The following RAD51B variants were observed in gnomAD, a reference collection of about 807,000 sequenced individuals.
The protein encoded by RAD51B is DNA repair protein RAD51 homolog 2.
Under a neutral mutation model 42.2 loss-of-function variants are expected in RAD51B, and 38 were observed. The observed-to-expected ratio is 0.90, with a 90% CI of 0.70 to 1.18. RAD51B has a LOEUF of 1.18. RAD51B is among the 50% of genes most tolerant of loss of function. The probability of loss-of-function intolerance (pLI) is 0.00; values close to 1 mark genes in which losing one functional copy is unlikely to be tolerated. For missense variants in RAD51B, 373 were observed against 400.7 expected (o/e 0.93, Z 0.59); for synonymous variants, 154 against 145.2 (o/e 1.06, Z -0.43).
chr14:67,913,384 G>T (rs1171498192), intron 7 of RAD51B, among the ~76,000 whole-genome samples: 3 of 152,156 alleles, frequency 2.0e-5, no homozygotes, highest in Non-Finnish European at 4.4e-5. Context: ...GTGATCTTGG[G>T]ACTGCTGGGT....
intron 7 of RAD51B, among the ~76,000 whole-genome samples, chr14:67,888,864 C>T (rs1041182640): frequency 6.6e-6 from 1 of 152,070 alleles, no homozygotes; most frequent in Non-Finnish European, 1.5e-5. Flanking sequence ...AACCAATCCC[C>T]CATGGATACA....
intron 7 of RAD51B, among the ~76,000 whole-genome samples, chr14:68,130,953 C>T (rs2077878757): frequency 6.6e-6 from 1 of 152,072 alleles, no homozygotes; most frequent in Non-Finnish European, 1.5e-5. Context: ...TAGGAAAAGT[C>T]AGGCTCTATT....
chr14:67,968,068 G>C (rs1375777887), intron 7 of RAD51B, among the ~76,000 whole-genome samples: 1 of 152,198 alleles, frequency 6.6e-6, no homozygotes, highest in East Asian at 1.9e-4. Context: ...CCACATCGAA[G>C]CTACCAAGGT....
chr14:68,173,252 G>A (rs1306527954), intron 7 of RAD51B, among the ~76,000 whole-genome samples: 2 of 152,174 alleles, frequency 1.3e-5, no homozygotes, highest in South Asian at 2.1e-4. Flanking sequence ...GGGCTGGCTA[G>A]AGCCATTTGT....
At chr14:68,183,875 C>T (rs940145608) in intron 7 of RAD51B, among the ~76,000 whole-genome samples, 3 of 152,020 alleles carry the variant, frequency 2.0e-5, no homozygotes, top group African/African-American at 4.8e-5. Context: ...AAGCTGATCA[C>T]GAGGTCAGGA....
chr14:68,445,834 G>A (rs2085407250), intron 9 of RAD51B, among the ~76,000 whole-genome samples: 1 of 152,206 alleles, frequency 6.6e-6, no homozygotes, highest in African/African-American at 2.4e-5. Context: ...CTTGGTGAAT[G>A]AGAGGGATCA....
chr14:68,425,936 T>TTTTCTTTCTTTCTTTCTTCCTTTCTTTC (rs2084821440), intron 9 of RAD51B, among the ~76,000 whole-genome samples: 2 of 73,870 alleles, frequency 2.7e-5, no homozygotes, highest in Non-Finnish European at 6.1e-5. Context: ...AGGCCATTCT[T>TTTTCTTTCTTTCTTTCTTCCTTTCTTTC]TTTCTTTCTT....
At position 68,148,667 on chromosome 14, in the gene RAD51B, G is replaced by A. The variant is rs144536344; in HGVS notation, c.757-143217G>A. 4.1e-3 allele frequency among the ~76,000 whole-genome samples: 622 copies of A among 152,270 alleles called. 1 individual carries two copies. The highest frequency in any genetic ancestry group is 0.017 in the Middle Eastern group (5 of 294). On this transcript the variant is annotated intron_variant, in intron 7 of 10. Coordinates refer to ENST00000471583, the MANE Select transcript of RAD51B (RefSeq NM_133510.4). ...GATATGTGTTACGATACTCTCTCGT[G>A]ATACTGTGCAGTAACAGTAAGCCCC...
intron 9 of RAD51B, among the ~76,000 whole-genome samples, chr14:68,434,003 G>A (rs2085082513): frequency 6.6e-6 from 1 of 152,210 alleles, no homozygotes; most frequent in Admixed American, 6.5e-5. Context: ...TTTGCTGGAT[G>A]TCCACTCCAG....
chr14:68,310,111 A>G (rs2081939461), intron 8 of RAD51B, among the ~76,000 whole-genome samples: 1 of 152,196 alleles, frequency 6.6e-6, no homozygotes, highest in Non-Finnish European at 1.5e-5. Flanking sequence ...CAAGGCCTTA[A>G]TAATAAACTG....
downstream of RAD51B, among the ~76,000 whole-genome samples, chr14:68,612,262 C>T (rs1253460836): frequency 6.6e-6 from 1 of 152,160 alleles, no homozygotes; most frequent in Non-Finnish European, 1.5e-5. Flanking sequence ...TGACGAGGGA[C>T]GAATTCCTGT....
intron 7 of RAD51B, among the ~76,000 whole-genome samples, chr14:67,951,347 T>C (rs1243661504): frequency 6.6e-6 from 1 of 152,212 alleles, no homozygotes; most frequent in Non-Finnish European, 1.5e-5. Context: ...AGTCTTCCTC[T>C]TTCTTCTGTG....
At chr14:68,376,874 A>G (rs1282066785) in intron 8 of RAD51B, among the ~76,000 whole-genome samples, 3 of 152,194 alleles carry the variant, frequency 2.0e-5, no homozygotes, top group Admixed American at 2.0e-4. Flanking sequence ...TTGATTGGCT[A>G]ATTAGACATA....
At chr14:68,256,751 T>C (rs1206933920) in intron 7 of RAD51B, among the ~76,000 whole-genome samples, 1 of 152,076 alleles carries the variant, frequency 6.6e-6, no homozygotes, top group African/African-American at 2.4e-5. Context: ...ACTTCACCAA[T>C]CTCTCTTGCC....
intron 7 of RAD51B, among the ~76,000 whole-genome samples, chr14:68,043,443 A>G (rs548843198): frequency 5.3e-5 from 8 of 152,348 alleles, no homozygotes; most frequent in South Asian, 2.1e-4. Context: ...TTTGGAAAAG[A>G]TATCTGATGA....
intron 10 of RAD51B, among the ~76,000 whole-genome samples, chr14:68,557,930 A>G (rs1420657309): frequency 2.7e-5 from 4 of 146,670 alleles, no homozygotes; most frequent in Non-Finnish European, 6.1e-5. Flanking sequence ...AAATTTTAAA[A>G]AGATGTGTGA....
At chr14:68,158,334 G>A (rs1464263183) in intron 7 of RAD51B, among the ~76,000 whole-genome samples, 1 of 152,190 alleles carries the variant, frequency 6.6e-6, no homozygotes, top group Non-Finnish European at 1.5e-5. Flanking sequence ...TAATTCTTCA[G>A]TGTAACACTG....
chr14:68,276,044 T>A (rs940243086), intron 7 of RAD51B, among the ~76,000 whole-genome samples: 1 of 152,152 alleles, frequency 6.6e-6, no homozygotes, highest in Non-Finnish European at 1.5e-5. Flanking sequence ...GGGAGCCTGT[T>A]TTCATGCTTT....
intron 7 of RAD51B, among the ~76,000 whole-genome samples, chr14:68,143,446 C>T (rs2078178536): frequency 1.3e-5 from 2 of 152,174 alleles, no homozygotes; most frequent in African/African-American, 4.8e-5. Context: ...AGCGGCCAAA[C>T]ATGAAAATGG....
Sources: gnomAD v4.1 joint callset for allele counts (sites outside exome capture counted in the v4.1 genomes callset) on GRCh38, gnomAD v4.1.1 for gene constraint, MANE v1.5 for transcripts, NCBI Gene and HGNC (gene_info 2026-07-23, HGNC 2026-07-21) for gene names.